MAML2: variants seen among roughly 807,000 people sequenced by gnomAD.
The protein encoded by MAML2 is mastermind like transcriptional coactivator 2, also known as mastermind-like protein 2.
A neutral mutation model predicts 96.1 loss-of-function variants in MAML2; 22 were observed. The ratio of observed to expected loss-of-function variants is 0.23; its 90% CI spans 0.16 to 0.33. The LOEUF is 0.33. Among genes scored for constraint, MAML2 ranks in the 10% least tolerant of loss-of-function variants. MAML2 has a pLI of 1.00. For missense variants in MAML2, 1,367 were observed against 1,392.4 expected (o/e 0.98, Z 0.29); for synonymous variants, 561 against 521.3 (o/e 1.08, Z -1.04).
At chr11:96,181,013 C>T (rs1861476348) in intron 1 of MAML2, among the ~76,000 whole-genome samples, 1 of 151,890 alleles carries the variant, frequency 6.6e-6, no homozygotes, top group Admixed American at 6.6e-5. Context: ...CCAGGATGAG[C>T]CAGGAAAAGG....
At chr11:96,054,797 GCAAA>G (rs1361661508) in intron 2 of MAML2, among the ~76,000 whole-genome samples, 3 of 152,046 alleles carry the variant, frequency 2.0e-5, no homozygotes, top group Non-Finnish European at 4.4e-5. Context: ...TCTTATGATG[GCAAA>G]CTAAATAAAG....
chr11:96,038,858 T>C (rs1251836472), intron 2 of MAML2, among the ~76,000 whole-genome samples: 1 of 152,250 alleles, frequency 6.6e-6, no homozygotes, highest in African/African-American at 2.4e-5. Flanking sequence ...ACATAACTGT[T>C]TTATTCAACC....
rs142941402 is a variant in MAML2 at position 96,272,620 on chromosome 11, A to G, written c.513+68763T>C. ...CTATGTTGTTTTGCAAAGGCTGGAAACATAAGGAAGTTCTGGAAGTCAGCA... is the reference window on the plus strand; with the variant it reads ...CTATGTTGTTTTGCAAAGGCTGGAAGCATAAGGAAGTTCTGGAAGTCAGCA... On this transcript the variant is annotated intron_variant, in intron 1 of 4. Coordinates refer to ENST00000524717, the MANE Select transcript of MAML2 (RefSeq NM_032427.4). Among the ~76,000 whole-genome samples, 1,093 of 152,324 alleles carry G rather than the reference A, an allele frequency of 7.2e-3. 16 individuals carry two copies. Among genetic ancestry groups the G allele is most frequent in the African/African-American group, 0.025 (1,038 of 41,556 alleles).
intron 4 of MAML2, among the ~76,000 whole-genome samples, chr11:95,982,038 T>A (rs602448): frequency 0.04 from 6,056 of 152,268 alleles, 144 homozygotes; most frequent in Middle Eastern, 0.065. Flanking sequence ...CATACTCCAT[T>A]TTTAATATCA....
chr11:96,184,466 A>G (rs935147366), intron 1 of MAML2, among the ~76,000 whole-genome samples: 1 of 151,472 alleles, frequency 6.6e-6, no homozygotes, highest in African/African-American at 2.4e-5. Flanking sequence ...AAATAAATAA[A>G]TAAATAAATA....
At chr11:96,339,111 C>A (rs1219413687) in intron 1 of MAML2, among the ~76,000 whole-genome samples, 1 of 152,200 alleles carries the variant, frequency 6.6e-6, no homozygotes, top group Non-Finnish European at 1.5e-5. Context: ...AATATACTAT[C>A]CCTTACCCTC....
chr11:96,114,660 A>T (rs941296412), intron 1 of MAML2, among the ~76,000 whole-genome samples: 2 of 152,200 alleles, frequency 1.3e-5, no homozygotes, highest in Admixed American at 6.5e-5. Context: ...TCTCACCATG[A>T]AAGGGAATTG....
At chr11:96,275,741 G>A (rs1217377680) in intron 1 of MAML2, among the ~76,000 whole-genome samples, 1 of 152,080 alleles carries the variant, frequency 6.6e-6, no homozygotes, top group Non-Finnish European at 1.5e-5. Flanking sequence ...AGAAATAATA[G>A]CACATATAAA....
At chr11:96,274,350 G>C (rs1862958178) in intron 1 of MAML2, among the ~76,000 whole-genome samples, 1 of 151,892 alleles carries the variant, frequency 6.6e-6, no homozygotes, top group African/African-American at 2.4e-5. Context: ...CCAAAGTACT[G>C]GGAATACAGG....
chr11:95,995,463 T>G (rs1283155212), intron 2 of MAML2, among the ~76,000 whole-genome samples: 1 of 152,220 alleles, frequency 6.6e-6, no homozygotes, highest in African/African-American at 2.4e-5. Context: ...ATTTACTAAG[T>G]ACCGTGCCTT....
At position 96,092,579 on chromosome 11, in the gene MAML2, AG is replaced by A; in HGVS notation, c.1451del (p.Ser484PhefsTer17). 1 of 1,608,416 alleles carries A rather than the reference AG, an allele frequency of 6.2e-7. No individual in the cohort carries two copies. Among genetic ancestry groups the A allele is most frequent in the Non-Finnish European group, 8.5e-7 (1 of 1,175,730 alleles). The stretch of plus-strand genomic sequence containing the variant: ...GTGGGCTGAATGTCTGCTGACCAAA[AG>A]AAGGGCTGGGGATTTTCTCCTGCCC... The part of the protein sequence containing the change: ...PFGQEKIPSP[S>X]FGQQTFSPQS... On this transcript the variant is annotated frameshift_variant, in exon 2 of 5. Transcript: ENST00000524717. LOFTEE classifies it high-confidence loss of function. This position sits in a 1 kb window ranked among gnomAD's most constrained non-coding sequence, Gnocchi z 4.1.
chr11:96,019,705 T>A (rs1474566103), intron 2 of MAML2, among the ~76,000 whole-genome samples: 2 of 147,354 alleles, frequency 1.4e-5, no homozygotes, highest in East Asian at 3.9e-4. Flanking sequence ...ATAATAATAA[T>A]AATAATAATA....
chr11:96,318,016 G>C (rs1863653765), intron 1 of MAML2, among the ~76,000 whole-genome samples: 1 of 152,202 alleles, frequency 6.6e-6, no homozygotes. Flanking sequence ...GTCACAACTG[G>C]CAAGTGAGAG....
intron 1 of MAML2, among the ~76,000 whole-genome samples, chr11:96,122,190 C>T (rs1281401735): frequency 6.6e-6 from 1 of 152,020 alleles, no homozygotes; most frequent in African/African-American, 2.4e-5. Context: ...CACAGAAAAG[C>T]TCACAATTCT....
intron 1 of MAML2, among the ~76,000 whole-genome samples, chr11:96,101,860 C>T (rs1049728389): frequency 2.0e-5 from 3 of 152,274 alleles, no homozygotes; most frequent in South Asian, 2.1e-4. Context: ...AATTTGTTTA[C>T]CCATTCATTC....
chr11:96,255,857 C>T (rs573262710), intron 1 of MAML2, among the ~76,000 whole-genome samples: 3 of 148,648 alleles, frequency 2.0e-5, no homozygotes, highest in Non-Finnish European at 3.0e-5. Flanking sequence ...ATAATTTCCC[C>T]CCACCGCCTT....
chr11:96,191,705 G>A (rs1043584569), intron 1 of MAML2, among the ~76,000 whole-genome samples: 22 of 148,672 alleles, frequency 1.5e-4, no homozygotes, highest in African/African-American at 5.2e-4. Flanking sequence ...CCAGGAGGCG[G>A]AGCTTGCAGT....
intron 2 of MAML2, among the ~76,000 whole-genome samples, chr11:96,060,005 G>A (rs1015024636): frequency 7.2e-5 from 11 of 152,172 alleles, no homozygotes; most frequent in Non-Finnish European, 7.3e-5. Context: ...TCTGCTGAAG[G>A]CGAAGATGTT....
chr11:95,995,817 C>T (rs1487417778), intron 2 of MAML2, among the ~76,000 whole-genome samples: 1 of 152,112 alleles, frequency 6.6e-6, no homozygotes, highest in African/African-American at 2.4e-5. Context: ...TTGCCTGGTC[C>T]ATGTAGGCCA....
Sources: allele counts gnomAD v4.1 joint callset (sites outside exome capture counted in the v4.1 genomes callset), GRCh38; gene constraint gnomAD v4.1.1; non-coding constraint Gnocchi (gnomAD v3.1); transcripts MANE v1.5; gene names NCBI Gene and HGNC (gene_info 2026-07-23, HGNC 2026-07-21).